RETREG1: variants seen among roughly 807,000 people sequenced by gnomAD.
RETREG1 encodes family with sequence similarity 134 member B.
RETREG1 carries 44 observed loss-of-function variants against 54.8 expected under a neutral mutation model. The observed-to-expected ratio is 0.80, with a 90% CI of 0.63 to 1.03. The LOEUF is 1.03. Among genes scored for constraint, RETREG1 ranks in the 50% least tolerant of loss-of-function variants. RETREG1 has a pLI of 0.00. For synonymous variants in RETREG1, 217 were observed against 238.5 expected (o/e 0.91, Z 0.83); for missense variants, 554 against 605.1 (o/e 0.92, Z 0.89).
chr5:16,488,584 G>C (rs1309275885), intron 3 of RETREG1, among the ~76,000 whole-genome samples: 2 of 152,168 alleles, frequency 1.3e-5, no homozygotes, highest in African/African-American at 4.8e-5. Flanking sequence ...GCACAGGCGT[G>C]TGAGGAGCCC....
intron 3 of RETREG1, among the ~76,000 whole-genome samples, chr5:16,510,815 CAACAAAAAA>C (rs1447590574): frequency 1.1e-4 from 6 of 56,392 alleles, no homozygotes; most frequent in South Asian, 1.4e-3. Flanking sequence ...ACAACAACAA[CAACAAAAAA>C]AAAAAAAAAA....
intron 3 of RETREG1, among the ~76,000 whole-genome samples, chr5:16,564,265 G>T (rs796924151): frequency 3.3e-5 from 5 of 152,290 alleles, no homozygotes; most frequent in African/African-American, 1.2e-4. Flanking sequence ...AACAAACTAT[G>T]TATGAAATTC....
intron 3 of RETREG1, among the ~76,000 whole-genome samples, chr5:16,527,558 G>T (rs575199412): frequency 2.6e-5 from 4 of 152,218 alleles, no homozygotes; most frequent in African/African-American, 9.6e-5. Flanking sequence ...GAAGTTGCCT[G>T]ATAGAATTGA....
rs758338341 is a variant in RETREG1 at position 16,561,726 on chromosome 5, T to C, written c.458+4037A>G. 6.6e-6 allele frequency among the ~76,000 whole-genome samples: 1 copy of C among 152,122 alleles called. No homozygotes were observed. The highest frequency in any genetic ancestry group is 2.4e-5 in the African/African-American group (1 of 41,418). ...CTGTGCTAATATTTTTTCCAAATCA[T>C]CATTAAACACTCAAACAGCTTCTGT... On this transcript the variant is annotated intron_variant, in intron 3 of 8. Transcript: ENST00000306320. The surrounding 1 kb of genome is among the most constrained non-coding windows in gnomAD (Gnocchi z 4.2).
chr5:16,606,407 C>A (rs757898642), intron 1 of RETREG1, among the ~76,000 whole-genome samples: 3 of 152,122 alleles, frequency 2.0e-5, no homozygotes, highest in Admixed American at 6.5e-5. Context: ...AAGGCTGCAA[C>A]GACTAAACTC....
At position 16,561,230 on chromosome 5, in the gene RETREG1, G is replaced by T. The variant is rs551678714; in HGVS notation, c.458+4533C>A. Among the ~76,000 whole-genome samples, 105 of 152,334 alleles carry T rather than the reference G, an allele frequency of 6.9e-4. No homozygotes were observed. The highest frequency in any genetic ancestry group is 1.2e-3 in the Non-Finnish European group (81 of 68,024). On this transcript the variant is annotated intron_variant, in intron 3 of 8. Transcript: ENST00000306320. The surrounding 1 kb of genome is among the most constrained non-coding windows in gnomAD (Gnocchi z 4.2). ...ACGGTACTTCCCGCCGGGCGCAGTG[G>T]CTCACACCTGTAATCCCAGCACTTT...
chr5:16,521,078 T>G (rs79913138), intron 3 of RETREG1, among the ~76,000 whole-genome samples: 5,884 of 152,304 alleles, frequency 0.039, 400 homozygotes, highest in African/African-American at 0.13. Context: ...GAACATGGTC[T>G]TTATAAATTC....
intron 8 of RETREG1, 77 bp downstream of exon 8, chr5:16,477,585 C>A: frequency 8.1e-7 from 1 of 1,232,094 alleles, no homozygotes; most frequent in Admixed American, 1.9e-5. Flanking sequence ...TGTTATTTAC[C>A]CATTCAGTAT....
At chr5:16,544,732 C>T (rs940285478) in intron 3 of RETREG1, among the ~76,000 whole-genome samples, 3 of 152,192 alleles carry the variant, frequency 2.0e-5, no homozygotes, top group Non-Finnish European at 4.4e-5. Flanking sequence ...AGTTGTCATG[C>T]ATGCGTGTGT....
chr5:16,482,070 A>C (rs939731019), intron 4 of RETREG1, among the ~76,000 whole-genome samples: 1 of 152,026 alleles, frequency 6.6e-6, no homozygotes, highest in East Asian at 1.9e-4. Flanking sequence ...TTGATTTTTC[A>C]TTCTTCGGTA....
chr5:16,601,034 C>T (rs1458585971), intron 1 of RETREG1, among the ~76,000 whole-genome samples: 2 of 151,928 alleles, frequency 1.3e-5, no homozygotes, highest in African/African-American at 2.4e-5. Flanking sequence ...CAGGAGCAAT[C>T]CAAGAAGTCT....
intron 3 of RETREG1, among the ~76,000 whole-genome samples, chr5:16,559,432 C>G (rs1741796758): frequency 6.6e-6 from 1 of 152,172 alleles, no homozygotes; most frequent in Non-Finnish European, 1.5e-5. Flanking sequence ...GCTGCAAGCT[C>G]GGGAAGCCCC....
intron 1 of RETREG1, 59 bp downstream of exon 1, chr5:16,616,593 C>T (rs1379387745): frequency 2.6e-6 from 4 of 1,539,682 alleles, no homozygotes; most frequent in Non-Finnish European, 3.5e-6. Flanking sequence ...TCCCCGGGGC[C>T]CCGGGCGCCC....
chr5:16,523,953 G>A (rs1300834111), intron 3 of RETREG1, among the ~76,000 whole-genome samples: 10 of 152,034 alleles, frequency 6.6e-5, no homozygotes, highest in Non-Finnish European at 2.9e-5. Context: ...AACCCCAGGC[G>A]ATTTGAAGGA....
At chr5:16,487,825 A>T (rs907727380) in intron 3 of RETREG1, among the ~76,000 whole-genome samples, 1 of 152,254 alleles carries the variant, frequency 6.6e-6, no homozygotes, top group East Asian at 1.9e-4. Flanking sequence ...CACTTTGTCC[A>T]CAGAAAGGAG....
At chr5:16,573,526 A>T (rs1433482574) in intron 1 of RETREG1, among the ~76,000 whole-genome samples, 1 of 152,194 alleles carries the variant, frequency 6.6e-6, no homozygotes. Context: ...CTATAAAGAG[A>T]AGTAAAGAAC....
chr5:16,511,550 A>G (rs994344041), intron 3 of RETREG1, among the ~76,000 whole-genome samples: 3 of 152,216 alleles, frequency 2.0e-5, no homozygotes, highest in African/African-American at 7.2e-5. Context: ...CCTGTCATGC[A>G]TGTTAAAATT....
At chr5:16,564,454 T>C (rs1741953145) in intron 3 of RETREG1, among the ~76,000 whole-genome samples, 1 of 152,258 alleles carries the variant, frequency 6.6e-6, no homozygotes, top group Admixed American at 6.5e-5. Flanking sequence ...AAACACATTT[T>C]AATCCATTCC....
chr5:16,541,549 T>G (rs1741244085), intron 3 of RETREG1, among the ~76,000 whole-genome samples: 1 of 152,058 alleles, frequency 6.6e-6, no homozygotes, highest in Non-Finnish European at 1.5e-5. Flanking sequence ...TAGCTGGGCA[T>G]GGTGGCAGGC....
Sources: allele counts gnomAD v4.1 joint callset (sites outside exome capture counted in the v4.1 genomes callset), GRCh38; gene constraint gnomAD v4.1.1; non-coding constraint Gnocchi (gnomAD v3.1); transcripts MANE v1.5; gene names NCBI Gene and HGNC (gene_info 2026-07-23, HGNC 2026-07-21).